SEMA7A: variants seen among roughly 807,000 people sequenced by gnomAD.
SEMA7A encodes semaphorin 7A (JohnMiltonHagen blood group).
SEMA7A carries 21 observed loss-of-function variants against 67.5 expected under a neutral mutation model. That is an observed-to-expected ratio of 0.31 (90% confidence interval 0.22 to 0.45). The LOEUF is 0.45. Ranked by LOEUF, SEMA7A falls within the 20% of genes least tolerant of loss-of-function variation. SEMA7A has a pLI of 1.00. For missense variants in SEMA7A, 774 were observed against 908.6 expected, an observed-to-expected ratio of 0.85 and a Z score of 1.90; for synonymous variants, 364 against 368.5, an observed-to-expected ratio of 0.99 and a Z score of 0.14.
chr15:74,419,258 T>C (rs551390394), intron 1 of SEMA7A, among the ~76,000 whole-genome samples: 6 of 152,286 alleles, frequency 3.9e-5, no homozygotes, highest in African/African-American at 1.4e-4. Flanking sequence ...TAGGGACCTC[T>C]TGGGGGAACA....
intron 8 of SEMA7A, 113 bp from the exon 9 acceptor site, chr15:74,415,059 G>A: frequency 2.5e-6 from 2 of 799,570 alleles, no homozygotes; most frequent in Non-Finnish European, 4.3e-6. Flanking sequence ...CACTGAAAAT[G>A]GGGAGGGATG....
intron 7 of SEMA7A, among the ~76,000 whole-genome samples, chr15:74,416,338 C>T (rs1262048733): frequency 6.6e-6 from 1 of 151,952 alleles, no homozygotes; most frequent in Admixed American, 6.6e-5. Context: ...CACACACACA[C>T]ACACCCCATC....
intron 1 of SEMA7A, among the ~76,000 whole-genome samples, chr15:74,421,874 T>C (rs531058164): frequency 2.3e-4 from 35 of 152,282 alleles, no homozygotes; most frequent in Non-Finnish European, 4.1e-4. Context: ...GGGCTACCCC[T>C]AAAAAGGCCA....
intron 1 of SEMA7A, among the ~76,000 whole-genome samples, chr15:74,424,542 G>A (rs749291603): frequency 7.9e-5 from 12 of 152,180 alleles, no homozygotes; most frequent in Admixed American, 2.6e-4. Flanking sequence ...GAAAACTAAT[G>A]CCCTTCCAAG....
rs1353759213 is a variant in SEMA7A at position 74,411,951 on chromosome 15, G to A, written c.1356C>T (p.Asn452=). ...PGEQEHSFAF[N]IMEIQPFRRA... ...GGCGGAAGGGCTGGATCTCCATGAT[G>A]TTGAAGGCGAAGCTGTGCTCCTGCT... Residue 452 remains asparagine (N), a synonymous_variant, in exon 11 of 14, where the codon AAC becomes AAT. Coordinates refer to ENST00000261918, the MANE Select transcript of SEMA7A (RefSeq NM_003612.5). The surrounding 1 kb of genome is among the most constrained non-coding windows in gnomAD (Gnocchi z 4.4). The A allele has an allele frequency of 8.7e-6, 14 of 1,614,088 alleles. No homozygotes were observed. The highest frequency in any genetic ancestry group is 1.2e-5 in the Non-Finnish European group (14 of 1,180,048).
chr15:74,422,909 A>T (rs144138704), intron 1 of SEMA7A, among the ~76,000 whole-genome samples: 4 of 152,336 alleles, frequency 2.6e-5, no homozygotes, highest in African/African-American at 9.6e-5. Context: ...AGAGGAGTGC[A>T]GCTCCAGGGG....
intron 1 of SEMA7A, among the ~76,000 whole-genome samples, chr15:74,430,406 C>T (rs1470748568): frequency 6.6e-6 from 1 of 152,198 alleles, no homozygotes; most frequent in Non-Finnish European, 1.5e-5. Context: ...TGAGCCCCCT[C>T]CCCTACCCTC....
In SEMA7A at chr15:74,417,433, T is replaced by A; in HGVS notation, c.563A>T (p.Tyr188Phe). ...SLVLFEGDEVYSTIRKQEYNG... is the reference protein window; with the variant it reads ...SLVLFEGDEVFSTIRKQEYNG... ...GTATTCCTGCTTCCGGATGGTGGAA[T>A]ACACCTCGTCCCCTGGGGTCAGTGG... The change falls in exon 6 of 14, where the codon TAT becomes TTT. Residue 188 changes from tyrosine to phenylalanine, a missense_variant. By Grantham distance (22) the Tyr-to-Phe change is conservative. Coordinates refer to ENST00000261918, the MANE Select transcript of SEMA7A (RefSeq NM_003612.5). 6.2e-7 allele frequency: 1 copy of A among 1,613,868 alleles called. No homozygotes were observed.
At chr15:74,418,038 G>T in intron 3 of SEMA7A, 69 bp from the exon 4 acceptor site, 1 of 1,527,822 alleles carries the variant, frequency 6.5e-7, no homozygotes, top group Non-Finnish European at 9.0e-7. Flanking sequence ...CTAGCACTAG[G>T]ACCCCCAGGA....
At chr15:74,426,214 A>G (rs1033439341) in intron 1 of SEMA7A, among the ~76,000 whole-genome samples, 2 of 152,118 alleles carry the variant, frequency 1.3e-5, no homozygotes, top group Non-Finnish European at 2.9e-5. Flanking sequence ...GGCAGAGGTT[A>G]TAGTGAGCTG....
At chr15:74,415,579 T>A (rs1416211650) in intron 8 of SEMA7A, among the ~76,000 whole-genome samples, 1 of 151,964 alleles carries the variant, frequency 6.6e-6, no homozygotes, top group East Asian at 1.9e-4. Flanking sequence ...AGTGTGCATA[T>A]AGGGCATGCA....
At chr15:74,416,818 G>A (rs2060953056) in intron 6 of SEMA7A, 104 bp from the exon 7 acceptor site, 7 of 1,301,642 alleles carry the variant, frequency 5.4e-6, no homozygotes, top group Non-Finnish European at 7.5e-6. Context: ...CACAAACCAT[G>A]GCAAATCAGA....
chr15:74,418,794 G>A lies in SEMA7A; in HGVS notation c.330+7C>T. 1.2e-6 allele frequency: 2 copies of A among 1,613,066 alleles called. No homozygotes were observed. The highest frequency in any genetic ancestry group is 2.2e-5 in the East Asian group (1 of 44,882). Reference sequence around the variant, plus strand: ...AGGGGGGGTGTTGGGGGAAGAGAGAGGCTCACCGTGCGCACAGATGCGTTC... The same window carrying A: ...AGGGGGGGTGTTGGGGGAAGAGAGAAGCTCACCGTGCGCACAGATGCGTTC... On this transcript the variant is annotated splice_region_variant and intron_variant, in intron 2 of 13. Transcript: ENST00000261918.
chr15:74,428,542 G>T (rs768331612), intron 1 of SEMA7A, among the ~76,000 whole-genome samples: 9 of 152,358 alleles, frequency 5.9e-5, no homozygotes, highest in African/African-American at 1.9e-4. Flanking sequence ...ATCCAAGAAG[G>T]TTCCTCAGAG....
intron 1 of SEMA7A, among the ~76,000 whole-genome samples, chr15:74,431,163 G>C (rs926845730): frequency 2.0e-5 from 3 of 152,188 alleles, no homozygotes; most frequent in African/African-American, 7.2e-5. Flanking sequence ...GGAAGATCAG[G>C]ACCACACATG....
rs116896491 is a variant in SEMA7A at position 74,423,947 on chromosome 15, G to A, written c.179-4995C>T. Among the ~76,000 whole-genome samples, 7 of 152,328 alleles carry A rather than the reference G, an allele frequency of 4.6e-5. No homozygotes were observed. In the East Asian group the frequency reaches 1.4e-3, roughly 29 times the overall value. ...GGGTTAGGTTCTAGATTAGCTAGTC[G>A]CCTGGCAGGGGCAGAGCCTGTGTGC... On this transcript the variant is annotated intron_variant, in intron 1 of 13. Transcript: ENST00000261918. This position sits in a 1 kb window ranked among gnomAD's most constrained non-coding sequence, Gnocchi z 4.1.
intron 1 of SEMA7A, among the ~76,000 whole-genome samples, chr15:74,419,815 A>G (rs2060984792): frequency 6.6e-6 from 1 of 152,174 alleles, no homozygotes; most frequent in African/African-American, 2.4e-5. Flanking sequence ...ACAGCCTGGG[A>G]CTTTCAGCAG....
chr15:74,416,738 G>T, intron 6 of SEMA7A, 24 bp from the exon 7 acceptor site: 3 of 1,610,690 alleles, frequency 1.9e-6, no homozygotes, highest in Non-Finnish European at 2.5e-6. Flanking sequence ...AGGCGAGTGG[G>T]CGTAAGGCTG....
rs1377113688 is a variant in SEMA7A, at chr15:74,412,010, T to C, written c.1297A>G (p.Arg433Gly). The part of the protein sequence containing the change: ...TFHVLYLTTD[R>G]GTIHKVVEPG... ...TCCACCACCTTGTGGATAGTGCCCCTGTCTGTGTATGGTGGACAGAGGGTC... is the reference window on the plus strand; with the variant it reads ...TCCACCACCTTGTGGATAGTGCCCCCGTCTGTGTATGGTGGACAGAGGGTC... The change falls in exon 11 of 14, where the codon AGG (arginine) becomes GGG (glycine). Residue 433 changes from arginine (R) to glycine (G), a missense_variant and splice_region_variant. Coordinates refer to ENST00000261918, the MANE Select transcript of SEMA7A (RefSeq NM_003612.5). 1 of 1,613,538 alleles carries C rather than the reference T, an allele frequency of 6.2e-7. No homozygotes were observed. The highest frequency in any genetic ancestry group is 8.5e-7 in the Non-Finnish European group (1 of 1,179,868).
Sources: allele counts gnomAD v4.1 joint callset (sites outside exome capture counted in the v4.1 genomes callset), GRCh38; gene constraint gnomAD v4.1.1; non-coding constraint Gnocchi (gnomAD v3.1); transcripts MANE v1.5; gene names NCBI Gene and HGNC (gene_info 2026-07-23, HGNC 2026-07-21).